Variants in PCNX2 observed in about 807,000 individuals in gnomAD.
PCNX2 encodes the protein pecanex-like protein 2.
In PCNX2, 168 loss-of-function variants were observed where a neutral mutation model predicts 223.8. The observed-to-expected ratio is 0.75, with a 90% CI of 0.66 to 0.85. The LOEUF (loss-of-function observed/expected upper bound fraction) is 0.85, where lower values mean the gene tolerates loss of function less well. PCNX2 is among the 40% of genes least tolerant of loss of function. The pLI is 0.00. For missense variants in PCNX2, 2,507 were observed against 2,675.5 expected (o/e 0.94, Z 1.39); for synonymous variants, 1,006 against 1,052.6 (o/e 0.96, Z 0.86).
chr1:233,105,900 G>A (rs1674742493), intron 21 of PCNX2, among the ~76,000 whole-genome samples: 1 of 152,204 alleles, frequency 6.6e-6, no homozygotes, highest in South Asian at 2.1e-4. Context: ...ATGTAGGAAT[G>A]CACAAAACTC....
intron 23 of PCNX2, chr1:233,058,036 G>A (rs1672255820): frequency 1.0e-6 from 1 of 985,238 alleles, no homozygotes; most frequent in Non-Finnish European, 1.2e-6. Flanking sequence ...TTCTTAGGTT[G>A]AACCATGAGA....
At chr1:233,285,201 A>C (rs1661388572) in intron 1 of PCNX2, among the ~76,000 whole-genome samples, 1 of 152,062 alleles carries the variant, frequency 6.6e-6, no homozygotes, top group African/African-American at 2.4e-5. Context: ...AAAAATAAGA[A>C]ATTAGCCAGA....
chr1:233,259,086 AG>A lies in PCNX2; in HGVS notation c.775del (p.Leu259CysfsTer9). 6.2e-7 allele frequency: 1 copy of A among 1,614,006 alleles called. No homozygotes were observed. Among genetic ancestry groups the A allele is most frequent in the Non-Finnish European group, 8.5e-7 (1 of 1,179,878 alleles). The part of the protein sequence containing the change: ...DKGPLKKLPH[L>X]SLSQYDLLET... The stretch of plus-strand genomic sequence containing the variant: ...TAGTAAGTCATACTGAGACAAAGAC[AG>A]GTGGGGCAACTTCTTCAAGGGTCCC... On this transcript the variant is annotated frameshift_variant, in exon 5 of 34. Coordinates refer to ENST00000258229, the MANE Select transcript of PCNX2 (RefSeq NM_014801.4). LOFTEE classifies it high-confidence loss of function.
intron 1 of PCNX2, among the ~76,000 whole-genome samples, chr1:233,272,308 C>T (rs1053110613): frequency 7.2e-6 from 1 of 139,104 alleles, no homozygotes; most frequent in African/African-American, 2.6e-5. Flanking sequence ...AAAAAAAAAA[C>T]GATCCCATCA....
rs374847788 is a variant in PCNX2, at chr1:233,001,615, G to A, written c.5019C>T (p.Asp1673=). ...FKGDFRITAR[D]EWVFADMDLL... ...GGTCCATGTCAGCAAATACCCACTCGTCACGTGCTGTTATTCTGAAGTCAC... is the reference window on the plus strand; with the variant it reads ...GGTCCATGTCAGCAAATACCCACTCATCACGTGCTGTTATTCTGAAGTCAC... Residue 1673 remains aspartate, a synonymous_variant, in exon 29 of 34, where the codon GAC becomes GAT. Coordinates refer to ENST00000258229, the MANE Select transcript of PCNX2 (RefSeq NM_014801.4). The surrounding 1 kb of genome is among the most constrained non-coding windows in gnomAD (Gnocchi z 4.2). The A allele has an allele frequency of 1.7e-4, 262 of 1,584,900 alleles. 1 individual carries two copies. The South Asian group carries it at 2.3e-3, about 14-fold the overall frequency.
intron 25 of PCNX2, among the ~76,000 whole-genome samples, chr1:233,045,667 T>G (rs562211918): frequency 6.6e-6 from 1 of 152,224 alleles, no homozygotes; most frequent in Non-Finnish European, 1.5e-5. Flanking sequence ...CTTGGCTTTG[T>G]TAATCTGTTA....
upstream of PCNX2, among the ~76,000 whole-genome samples, chr1:233,296,489 AC>A (rs139592538): frequency 0.013 from 1,971 of 152,340 alleles, 33 homozygotes; most frequent in African/African-American, 0.045. Flanking sequence ...AGGAAGACCC[AC>A]TGGACAAAAA....
chr1:233,103,166 T>C (rs1453811412), intron 21 of PCNX2, among the ~76,000 whole-genome samples: 1 of 152,126 alleles, frequency 6.6e-6, no homozygotes, highest in African/African-American at 2.4e-5. Flanking sequence ...ATGGTAGGTG[T>C]ATATATTTAT....
intron 1 of PCNX2, chr1:233,291,527 G>A: frequency 3.1e-6 from 1 of 317,918 alleles, no homozygotes; most frequent in South Asian, 1.2e-4. Flanking sequence ...AGAATCGCTT[G>A]AACCCGGGAG....
At chr1:233,006,333 C>T (rs1214256937) in intron 28 of PCNX2, among the ~76,000 whole-genome samples, 1 of 152,224 alleles carries the variant, frequency 6.6e-6, no homozygotes, top group Non-Finnish European at 1.5e-5. Context: ...TGGTTCCTCA[C>T]CCACTTCATA....
intron 4 of PCNX2, chr1:233,259,929 A>T: frequency 1.8e-6 from 1 of 571,386 alleles, no homozygotes; most frequent in Non-Finnish European, 2.2e-6. Context: ...TAGCATTTAC[A>T]TTGTATTAGG....
chr1:233,170,797 T>A (rs1009094832), intron 17 of PCNX2, among the ~76,000 whole-genome samples: 2 of 152,198 alleles, frequency 1.3e-5, no homozygotes, highest in African/African-American at 4.8e-5. Flanking sequence ...TATTTTTTAG[T>A]TTTCCGTTTT....
At chr1:233,319,199 C>T in the PCNX2 span, among the ~76,000 whole-genome samples, 1 of 152,142 alleles carries the variant, frequency 6.6e-6, no homozygotes, top group African/African-American at 2.4e-5. Context: ...TCCACTTCCT[C>T]ATCCCTCATT....
intron 22 of PCNX2, among the ~76,000 whole-genome samples, chr1:233,094,234 C>G (rs902461477): frequency 3.3e-5 from 5 of 152,178 alleles, no homozygotes; most frequent in African/African-American, 1.2e-4. Context: ...TTGCATTAAT[C>G]TAATCATTTT....
intron 23 of PCNX2, 28 bp downstream of exon 23, chr1:233,090,033 C>A: frequency 6.2e-7 from 1 of 1,612,774 alleles, no homozygotes; most frequent in Non-Finnish European, 8.5e-7. Flanking sequence ...TGGAGAAAAG[C>A]AATTGAGCAC....
intron 25 of PCNX2, among the ~76,000 whole-genome samples, chr1:233,027,396 C>T (rs1484746551): frequency 6.6e-6 from 1 of 152,140 alleles, no homozygotes; most frequent in African/African-American, 2.4e-5. Context: ...ACTTTATTAT[C>T]TTTCTTGGCA....
At chr1:233,231,639 A>G in intron 9 of PCNX2, 3 of 984,508 alleles carry the variant, frequency 3.0e-6, no homozygotes, top group Non-Finnish European at 3.6e-6. Context: ...GGCAGGGGAT[A>G]GGGAGAAGGA....
At chr1:233,136,648 G>T (rs1676818422) in intron 20 of PCNX2, among the ~76,000 whole-genome samples, 1 of 152,146 alleles carries the variant, frequency 6.6e-6, no homozygotes, top group Non-Finnish European at 1.5e-5. Context: ...CAGCAAGGCT[G>T]AACATTGCTC....
At chr1:233,057,910 T>C (rs1187532541) in intron 23 of PCNX2, 3 of 985,094 alleles carry the variant, frequency 3.0e-6, no homozygotes, top group Non-Finnish European at 3.6e-6. Context: ...CTTTCAGAAC[T>C]TGAGAACAGT....
Sources: allele counts gnomAD v4.1 joint callset (sites outside exome capture counted in the v4.1 genomes callset), GRCh38; gene constraint gnomAD v4.1.1; non-coding constraint Gnocchi (gnomAD v3.1); transcripts MANE v1.5; gene names NCBI Gene and HGNC (gene_info 2026-07-23, HGNC 2026-07-21).